Variants in AOPEP observed in about 807,000 individuals in gnomAD.
The protein encoded by AOPEP is aminopeptidase O.
In AOPEP, 77 loss-of-function variants were observed where a neutral mutation model predicts 98.1. The observed-to-expected ratio is 0.78, with a 90% CI of 0.65 to 0.95. The LOEUF is 0.95. Ranked by LOEUF, AOPEP falls within the 40% of genes least tolerant of loss-of-function variation. AOPEP has a pLI of 0.00. For missense variants in AOPEP, 1,024 were observed against 1,024.7 expected, an observed-to-expected ratio of 1.00 and a Z score of 0.01; for synonymous variants, 346 against 365.3, an observed-to-expected ratio of 0.95 and a Z score of 0.60.
At chr9:94,784,612 ATTTATT>A (rs1293277493) in intron 3 of AOPEP, among the ~76,000 whole-genome samples, 1 of 152,284 alleles carries the variant, frequency 6.6e-6, no homozygotes. Flanking sequence ...ATTAAATTTT[ATTTATT>A]TTTATTTTTA....
chr9:94,797,569 T>G (rs1465261166), intron 4 of AOPEP, among the ~76,000 whole-genome samples: 1 of 152,196 alleles, frequency 6.6e-6, no homozygotes, highest in Non-Finnish European at 1.5e-5. Context: ...TGTTTATATT[T>G]TAAGTATAAT....
At chr9:95,040,798 C>T (rs1428984841) in intron 13 of AOPEP, among the ~76,000 whole-genome samples, 1 of 152,190 alleles carries the variant, frequency 6.6e-6, no homozygotes, top group African/African-American at 2.4e-5. Context: ...CCTGGCTCCT[C>T]CCATGTTTTT....
rs182864189 is a variant in AOPEP at position 94,995,361 on chromosome 9, A to G, written c.1978-9797A>G. 1.7e-4 allele frequency among the ~76,000 whole-genome samples: 26 copies of G among 152,166 alleles called. No homozygotes were observed. In the East Asian group the frequency reaches 4.8e-3, roughly 28 times the overall value. On this transcript the variant is annotated intron_variant, in intron 11 of 16. Coordinates refer to ENST00000375315, the MANE Select transcript of AOPEP (RefSeq NM_001193329.3). ...TGCCTTTTACCATGTGCACCATCTCATTTTATCCTCACCACAGCATTATCT... is the reference window on the plus strand; with the variant it reads ...TGCCTTTTACCATGTGCACCATCTCGTTTTATCCTCACCACAGCATTATCT...
At position 95,086,935 on chromosome 9, in the gene AOPEP, G is replaced by A; in HGVS notation, c.*258G>A. 1 of 987,828 alleles carries A rather than the reference G, an allele frequency of 1.0e-6. No individual in the cohort carries two copies. Among genetic ancestry groups the A allele is most frequent in the Non-Finnish European group, 1.2e-6 (1 of 830,116 alleles). 61.2% of individuals were successfully genotyped at this position (987,828 alleles called of 1,614,324 possible). A position where few individuals can be genotyped will look rare whatever the true frequency, so the allele number is the denominator to read the frequency against. On this transcript the variant is annotated 3_prime_UTR_variant, in exon 17 of 17. Transcript: ENST00000375315. ...TGGATCTGGAGTGGAGCTGCTCTGA[G>A]ATTTTGAGTTCTTCTGCAGAGATGA...
At chr9:95,115,233 C>T in the AOPEP span, among the ~76,000 whole-genome samples, 5 of 152,346 alleles carry the variant, frequency 3.3e-5, no homozygotes, top group South Asian at 2.1e-4. Context: ...TTAATCACCA[C>T]GCTTGCCCTC....
At chr9:95,031,713 A>G (rs553039601) in intron 13 of AOPEP, among the ~76,000 whole-genome samples, 2 of 152,310 alleles carry the variant, frequency 1.3e-5, no homozygotes, top group East Asian at 1.9e-4. Flanking sequence ...TTCTCCGGGT[A>G]GGGGGGAATT....
chr9:95,091,118 A>G (rs1017669075), downstream of AOPEP, among the ~76,000 whole-genome samples: 1 of 152,252 alleles, frequency 6.6e-6, no homozygotes. Context: ...AGCAGCTGAA[A>G]GCAAGGCCAA....
chr9:95,036,005 G>C (rs755467724), intron 13 of AOPEP, among the ~76,000 whole-genome samples: 1 of 152,130 alleles, frequency 6.6e-6, no homozygotes, highest in South Asian at 2.1e-4. Context: ...AGAGGTTTCC[G>C]TGATGGTGGT....
At chr9:95,005,467 C>G (rs1204345621) in intron 12 of AOPEP, 75 bp from the exon 13 acceptor site, 1 of 1,424,358 alleles carries the variant, frequency 7.0e-7, no homozygotes, top group Non-Finnish European at 9.9e-7. Context: ...CCGGGGGTCT[C>G]TGCTTTCTCG....
chr9:94,843,249 C>T (rs1361734513), intron 5 of AOPEP, among the ~76,000 whole-genome samples: 1 of 152,124 alleles, frequency 6.6e-6, no homozygotes, highest in Non-Finnish European at 1.5e-5. Flanking sequence ...CCTTACCTAG[C>T]CTCCCCTTCC....
chr9:95,037,148 T>C lies in AOPEP; in HGVS notation c.2116-23546T>C, dbSNP rs117922682. On this transcript the variant is annotated intron_variant, in intron 13 of 16. Coordinates refer to ENST00000375315, the MANE Select transcript of AOPEP (RefSeq NM_001193329.3). ...TTTCTAAAAAGACCTCACAGCAGTA[T>C]TATTGATTTGGTTTTAAATAGCTAT... is the stretch of plus-strand genomic sequence containing the variant. Among the ~76,000 whole-genome samples, 727 of 152,250 alleles carry C rather than the reference T, an allele frequency of 4.8e-3. 5 individuals carry two copies. The highest frequency in any genetic ancestry group is 0.01 in the Middle Eastern group (3 of 294).
At chr9:95,127,691 A>T in the AOPEP span, among the ~76,000 whole-genome samples, 1 of 152,204 alleles carries the variant, frequency 6.6e-6, no homozygotes, top group Non-Finnish European at 1.5e-5. Context: ...AGCTTTGGGA[A>T]ACACTGTTCA....
chr9:94,866,795 A>G (rs1201723039), intron 5 of AOPEP, among the ~76,000 whole-genome samples: 2 of 152,242 alleles, frequency 1.3e-5, no homozygotes, highest in African/African-American at 2.4e-5. Flanking sequence ...GCCAGCATCA[A>G]TGTAACCAGT....
At chr9:95,045,953 A>G (rs1459406670) in intron 13 of AOPEP, among the ~76,000 whole-genome samples, 2 of 152,202 alleles carry the variant, frequency 1.3e-5, no homozygotes, top group Non-Finnish European at 2.9e-5. Flanking sequence ...CACTTTGAAC[A>G]ACGGTAGGAA....
chr9:94,826,834 G>C (rs1854712724), intron 5 of AOPEP, among the ~76,000 whole-genome samples: 1 of 152,092 alleles, frequency 6.6e-6, no homozygotes, highest in African/African-American at 2.4e-5. Context: ...AAGTGGGGGA[G>C]GTGACAGTGG....
intron 11 of AOPEP, among the ~76,000 whole-genome samples, chr9:94,994,368 G>A (rs1432612993): frequency 6.6e-6 from 1 of 152,102 alleles, no homozygotes; most frequent in Non-Finnish European, 1.5e-5. Context: ...CAGTTGACTA[G>A]AGTATCCTAT....
chr9:95,112,741 T>C, the AOPEP span, among the ~76,000 whole-genome samples: 7 of 152,278 alleles, frequency 4.6e-5, no homozygotes, highest in Non-Finnish European at 8.8e-5. Context: ...GTCTGGTCCT[T>C]CCCTCTGTCT....
the AOPEP span, chr9:95,110,360 G>A: frequency 4.9e-6 from 5 of 1,021,074 alleles, no homozygotes; most frequent in Non-Finnish European, 5.9e-6. Context: ...GAATATAAAA[G>A]GGCTTTAAAA....
chr9:94,773,260 T>A, intron 3 of AOPEP, 92 bp downstream of exon 3: 1 of 1,162,506 alleles, frequency 8.6e-7, no homozygotes, highest in Non-Finnish European at 1.2e-6. Context: ...TTTAAAGAGC[T>A]CCTTTATTAG....
Sources: gnomAD v4.1 joint callset for allele counts (sites outside exome capture counted in the v4.1 genomes callset) on GRCh38, gnomAD v4.1.1 for gene constraint, MANE v1.5 for transcripts, NCBI Gene and HGNC (gene_info 2026-07-23, HGNC 2026-07-21) for gene names.